COLGALT1: variants seen among roughly 807,000 people sequenced by gnomAD.
COLGALT1 encodes procollagen galactosyltransferase 1.
Under a neutral mutation model 60.8 loss-of-function variants are expected in COLGALT1, and 43 were observed. The observed-to-expected ratio is 0.71, with a 90% CI of 0.55 to 0.91. The LOEUF (loss-of-function observed/expected upper bound fraction) is 0.91. COLGALT1 is among the 40% of genes least tolerant of loss of function. The pLI is 0.00. For synonymous variants in COLGALT1, 369 were observed against 374.2 expected (o/e 0.99, Z 0.16); for missense variants, 845 against 880.0 (o/e 0.96, Z 0.50).
chr19:17,574,751 G>C (rs943235341), intron 6 of COLGALT1, among the ~76,000 whole-genome samples: 4 of 152,160 alleles, frequency 2.6e-5, no homozygotes, highest in African/African-American at 7.2e-5. Context: ...GGCTACAGTT[G>C]GGGGTGGTGG....
At chr19:17,568,255 T>C (rs1012800517) in intron 4 of COLGALT1, among the ~76,000 whole-genome samples, 2 of 152,086 alleles carry the variant, frequency 1.3e-5, no homozygotes, top group Middle Eastern at 3.2e-3. Flanking sequence ...TCCATTCTGA[T>C]TGGGCCATTG....
At chr19:17,571,613 G>A (rs1046590851) in intron 5 of COLGALT1, among the ~76,000 whole-genome samples, 1 of 151,842 alleles carries the variant, frequency 6.6e-6, no homozygotes, top group Non-Finnish European at 1.5e-5. Flanking sequence ...AGCTACTTGG[G>A]AGGCTGAGGC....
At position 17,555,896 on chromosome 19, in the gene COLGALT1, A is replaced by T; in HGVS notation, c.183A>T (p.Arg61=). 1 of 1,395,854 alleles carries T rather than the reference A, an allele frequency of 7.2e-7. No homozygotes were observed. The highest frequency in any genetic ancestry group is 9.3e-7 in the Non-Finnish European group (1 of 1,073,846). The allele number at this position is 1,395,854 out of a possible 1,614,324, so 86.5% of individuals were successfully genotyped here. ...APRVLIALLA[R]NAAHALPTTL... ...GCGTGCTCATCGCGCTGTTGGCGCGAAACGCGGCCCACGCGTTGCCCACCA... is the reference window on the plus strand; with the variant it reads ...GCGTGCTCATCGCGCTGTTGGCGCGTAACGCGGCCCACGCGTTGCCCACCA... The change falls in exon 1 of 12, where the codon CGA becomes CGT. Residue 61 remains arginine (R), a synonymous_variant. Coordinates refer to ENST00000252599, the MANE Select transcript of COLGALT1 (RefSeq NM_024656.4).
At chr19:17,569,762 GC>G (rs1463673241) in intron 5 of COLGALT1, among the ~76,000 whole-genome samples, 3 of 151,866 alleles carry the variant, frequency 2.0e-5, no homozygotes, top group Non-Finnish European at 4.4e-5. Context: ...CTACAGTTGA[GC>G]ATATATTAAT....
At chr19:17,567,833 C>T (rs747052305) in intron 4 of COLGALT1, among the ~76,000 whole-genome samples, 2 of 151,982 alleles carry the variant, frequency 1.3e-5, no homozygotes, top group Admixed American at 1.3e-4. Flanking sequence ...CCTGTCCTCC[C>T]AGCTGCTCGG....
chr19:17,570,620 C>T (rs1194454072), intron 5 of COLGALT1, among the ~76,000 whole-genome samples: 1 of 152,060 alleles, frequency 6.6e-6, no homozygotes, highest in African/African-American at 2.4e-5. Context: ...GGCTGGAGTA[C>T]AGTGGCATGA....
rs376677398 is a variant in COLGALT1, at chr19:17,577,179, C to T, written c.950-16C>T. ...GCTCCTTACCCCAGCGACTCCTCAA[C>T]GTCTGTGCCCCACAGTGAAGCACCC... On this transcript the variant is annotated splice_polypyrimidine_tract_variant and intron_variant, in intron 6 of 11. Transcript: ENST00000252599. The T allele has an allele frequency of 5.0e-5, 81 of 1,612,620 alleles. No homozygotes were observed. The African/African-American group carries it at 8.6e-4, about 17-fold the overall frequency.
chr19:17,563,073 G>A (rs1011092471), intron 3 of COLGALT1, among the ~76,000 whole-genome samples: 3 of 151,970 alleles, frequency 2.0e-5, no homozygotes, highest in Non-Finnish European at 2.9e-5. Flanking sequence ...TTGCTTTTGT[G>A]GTTTGAGGTT....
At chr19:17,576,950 G>A (rs1335646830) in intron 6 of COLGALT1, 2 of 571,286 alleles carry the variant, frequency 3.5e-6, no homozygotes, top group Admixed American at 3.1e-5. Context: ...GGCCAGGGCT[G>A]AGAGGCAGGA....
chr19:17,571,008 G>A (rs78877786), intron 5 of COLGALT1, among the ~76,000 whole-genome samples: 9 of 152,260 alleles, frequency 5.9e-5, no homozygotes, highest in African/African-American at 1.7e-4. Context: ...TTTAAGTGTC[G>A]TCTGTAGCTG....
chr19:17,556,805 C>G (rs2076214689), intron 1 of COLGALT1: 1 of 152,254 alleles, frequency 6.6e-6, no homozygotes, highest in African/African-American at 2.4e-5. Context: ...CCCAGCTATT[C>G]AGGAGGCTGA....
Position 17,581,754 on chromosome 19 carries a change from G to A in COLGALT1, c.*310G>A. 2.4e-6 allele frequency: 1 copy of A among 421,284 alleles called. No homozygotes were observed. Among genetic ancestry groups the A allele is most frequent in the Non-Finnish European group, 4.3e-6 (1 of 230,300 alleles). The allele number at this position is 421,284 out of a possible 1,614,324, so 26.1% of individuals were successfully genotyped here. A position where few individuals can be genotyped will look rare whatever the true frequency, so the allele number is the denominator to read the frequency against. On this transcript the variant is annotated 3_prime_UTR_variant, in exon 12 of 12. Transcript: ENST00000252599. The stretch of plus-strand genomic sequence containing the variant: ...TTCCCATGTTACGGCAGTGAATGAG[G>A]CATAATTGTTCCCTCCATCAGCGAT...
chr19:17,577,004 T>TGGGGGCGGGGTGAAGGTGGGGCC (rs1599793355), intron 6 of COLGALT1, 191 bp from the exon 7 acceptor site: 2 of 309,112 alleles, frequency 6.5e-6, no homozygotes, highest in South Asian at 3.7e-5. Flanking sequence ...GGCCAGGGCT[T>TGGGGGCGGGGTGAAGGTGGGGCC]TGGGCTGCTG....
intron 10 of COLGALT1, 68 bp from the exon 11 acceptor site, chr19:17,580,631 C>T (rs1043045018): frequency 3.9e-6 from 6 of 1,539,148 alleles, no homozygotes; most frequent in East Asian, 4.5e-5. Context: ...TAACTAGATC[C>T]CTGGCTTTCT....
intron 5 of COLGALT1, 59 bp downstream of exon 5, chr19:17,568,772 A>T: frequency 6.4e-7 from 1 of 1,561,538 alleles, no homozygotes; most frequent in Non-Finnish European, 8.8e-7. Context: ...TGGGTTTTGC[A>T]CTAAGCCAGT....
At chr19:17,573,915 G>A (rs563606695) in intron 6 of COLGALT1, among the ~76,000 whole-genome samples, 41 of 152,222 alleles carry the variant, frequency 2.7e-4, no homozygotes, top group Non-Finnish European at 4.3e-4. Flanking sequence ...CCAGGAGGTC[G>A]AAGCTGCAGT....
At chr19:17,572,444 T>C in intron 5 of COLGALT1, 39 bp from the exon 6 acceptor site, 1 of 1,613,198 alleles carries the variant, frequency 6.2e-7, no homozygotes. Flanking sequence ...GGGCCTCGCC[T>C]GTTTTTACAT....
At chr19:17,569,586 G>A (rs1481682737) in intron 5 of COLGALT1, among the ~76,000 whole-genome samples, 1 of 151,796 alleles carries the variant, frequency 6.6e-6, no homozygotes, top group African/African-American at 2.4e-5. Context: ...ACAGGCATAC[G>A]CCACCATGTC....
At chr19:17,573,257 G>A (rs974001626) in intron 6 of COLGALT1, among the ~76,000 whole-genome samples, 1 of 152,072 alleles carries the variant, frequency 6.6e-6, no homozygotes, top group Non-Finnish European at 1.5e-5. Flanking sequence ...GCCGGGTGCG[G>A]TGGCTCATGC....
Sources: gnomAD v4.1 joint callset for allele counts (sites outside exome capture counted in the v4.1 genomes callset) on GRCh38, gnomAD v4.1.1 for gene constraint, MANE v1.5 for transcripts, NCBI Gene and HGNC (gene_info 2026-07-23, HGNC 2026-07-21) for gene names.